The following PLEKHG1 variants were observed in gnomAD, a reference collection of about 807,000 sequenced individuals.
PLEKHG1 encodes the protein pleckstrin homology and RhoGEF domain containing G1, also known as pleckstrin homology domain-containing family G member 1.
PLEKHG1 carries 44 observed loss-of-function variants against 100.8 expected under a neutral mutation model. That is an observed-to-expected ratio of 0.44 (90% CI 0.34 to 0.56). The LOEUF (loss-of-function observed/expected upper bound fraction) is 0.56. Ranked by LOEUF, PLEKHG1 falls within the 20% of genes least tolerant of loss-of-function variation. PLEKHG1 has a pLI of 0.01. For synonymous variants in PLEKHG1, 640 were observed against 662.5 expected (o/e 0.97, Z 0.52); for missense variants, 1,545 against 1,720.9 (o/e 0.90, Z 1.81).
intron 2 of PLEKHG1, among the ~76,000 whole-genome samples, chr6:150,758,336 CTT>C (rs58766862): frequency 1.1e-4 from 15 of 141,916 alleles, no homozygotes; most frequent in Non-Finnish European, 1.6e-4. Context: ...TGTTTCTTGA[CTT>C]TTTTTTTTTT....
At chr6:150,697,974 G>A (rs1582959946) in intron 3 of PLEKHG1, among the ~76,000 whole-genome samples, 2 of 151,150 alleles carry the variant, frequency 1.3e-5, no homozygotes, top group East Asian at 3.9e-4. Context: ...TTTAAAGAAT[G>A]TTATGGATAA....
At chr6:150,719,658 T>A (rs1781589645), upstream of PLEKHG1, among the ~76,000 whole-genome samples, 1 of 152,128 alleles carries the variant, frequency 6.6e-6, no homozygotes, top group African/African-American at 2.4e-5. Flanking sequence ...TGGCTCTTCG[T>A]TGAGCAGGAG....
In PLEKHG1 at chr6:150,831,316, A is replaced by C; in HGVS notation, c.2205A>C (p.Gln735His). The C allele has an allele frequency of 1.2e-6, 2 of 1,614,140 alleles. No homozygotes were observed. Among genetic ancestry groups the C allele is most frequent in the Non-Finnish European group, 1.7e-6 (2 of 1,180,024 alleles). ...CCAGCCAAAGCACGCATGAACTCCA[A>C]GCGGTTGAGGAGAACATCTATGACA... Residue 735 changes from glutamine (Q) to histidine (H), a missense_variant, in exon 15 of 16, where the codon CAA (glutamine) becomes CAC (histidine). Physicochemically the swap from Gln to His is conservative, Grantham distance 24. Coordinates refer to ENST00000358517, the Ensembl canonical transcript of PLEKHG1. The surrounding 1 kb of genome is among the most constrained non-coding windows in gnomAD (Gnocchi z 4.1).
intron 10 of PLEKHG1, among the ~76,000 whole-genome samples, chr6:150,811,273 GTT>G (rs35935485): frequency 1.5e-5 from 2 of 137,664 alleles, no homozygotes; most frequent in Admixed American, 7.1e-5. Flanking sequence ...GATAGGGAAT[GTT>G]TTTTTTTTTT....
intron 1 of PLEKHG1, among the ~76,000 whole-genome samples, chr6:150,633,787 C>T (rs1373083139): frequency 6.6e-6 from 1 of 152,120 alleles, no homozygotes; most frequent in African/African-American, 2.4e-5. Flanking sequence ...AGGAATGATC[C>T]ATTGTATCAT....
At chr6:150,656,118 C>G (rs1437866573) in intron 3 of PLEKHG1, among the ~76,000 whole-genome samples, 1 of 150,542 alleles carries the variant, frequency 6.6e-6, no homozygotes. Flanking sequence ...AAAAATCAAC[C>G]AATAAAAAAA....
chr6:150,697,925 G>GT (rs67973235), intron 3 of PLEKHG1, among the ~76,000 whole-genome samples: 47 of 148,810 alleles, frequency 3.2e-4, no homozygotes, highest in Middle Eastern at 3.4e-3. Context: ...TGGCAGTGGT[G>GT]TTTTTTTTTT....
chr6:150,620,551 T>G (rs1308781455), intron 1 of PLEKHG1, among the ~76,000 whole-genome samples: 3 of 152,268 alleles, frequency 2.0e-5, no homozygotes, highest in African/African-American at 7.2e-5. Context: ...TTATTCCAAC[T>G]GGAGGGTAAA....
chr6:150,809,242 C>G, exon 8 of PLEKHG1: 1 of 1,614,194 alleles, frequency 6.2e-7, no homozygotes, highest in East Asian at 2.2e-5. Context: ...TGCTGCTCAT[C>G]ACGAAGAAGA....
chr6:150,731,485 T>C (rs745442952), intron 1 of PLEKHG1, among the ~76,000 whole-genome samples: 23 of 152,262 alleles, frequency 1.5e-4, no homozygotes, highest in Non-Finnish European at 2.8e-4. Context: ...ACTAGGTATG[T>C]TGAAGGAGAG....
At chr6:150,668,629 C>T (rs1197900094) in intron 3 of PLEKHG1, among the ~76,000 whole-genome samples, 2 of 152,068 alleles carry the variant, frequency 1.3e-5, no homozygotes, top group Non-Finnish European at 1.5e-5. Flanking sequence ...CTCAGCTGGG[C>T]GCAGTGTTCC....
intron 3 of PLEKHG1, among the ~76,000 whole-genome samples, chr6:150,706,265 G>A (rs913003543): frequency 6.6e-6 from 1 of 152,204 alleles, no homozygotes; most frequent in Non-Finnish European, 1.5e-5. Flanking sequence ...AGCTCAGTAT[G>A]TCATTCTTTG....
chr6:150,676,305 G>A (rs1055034547), intron 3 of PLEKHG1, among the ~76,000 whole-genome samples: 4 of 152,072 alleles, frequency 2.6e-5, no homozygotes, highest in Non-Finnish European at 4.4e-5. Flanking sequence ...GGATAAAACC[G>A]GCTATTACAC....
chr6:150,759,894 A>G (rs901134999), intron 2 of PLEKHG1, among the ~76,000 whole-genome samples: 1 of 152,098 alleles, frequency 6.6e-6, no homozygotes, highest in African/African-American at 2.4e-5. Flanking sequence ...GCTACTGGGA[A>G]GGCTGAGGCG....
At chr6:150,623,129 T>C (rs1777376208) in intron 1 of PLEKHG1, among the ~76,000 whole-genome samples, 1 of 152,164 alleles carries the variant, frequency 6.6e-6, no homozygotes, top group African/African-American at 2.4e-5. Context: ...TTCTTGAGGT[T>C]TCACTTCTCC....
At chr6:150,671,643 T>C (rs1582919989) in intron 3 of PLEKHG1, among the ~76,000 whole-genome samples, 1 of 152,320 alleles carries the variant, frequency 6.6e-6, no homozygotes, top group Non-Finnish European at 1.5e-5. Flanking sequence ...AGCTGAAAGA[T>C]AACAGTTTAA....
chr6:150,703,735 G>A (rs909402691), intron 3 of PLEKHG1, among the ~76,000 whole-genome samples: 3 of 151,980 alleles, frequency 2.0e-5, no homozygotes, highest in Non-Finnish European at 4.4e-5. Flanking sequence ...ACATTCTTGT[G>A]TCACAGCAGT....
chr6:150,738,198 A>G (rs1356551436), intron 2 of PLEKHG1, among the ~76,000 whole-genome samples: 11 of 152,150 alleles, frequency 7.2e-5, no homozygotes, highest in Admixed American at 7.2e-4. Flanking sequence ...CTACAGTAGC[A>G]TGATTTCTGA....
intron 1 of PLEKHG1, among the ~76,000 whole-genome samples, chr6:150,627,576 A>C (rs1313084664): frequency 1.3e-5 from 2 of 152,106 alleles, no homozygotes; most frequent in African/African-American, 4.8e-5. Flanking sequence ...CTTCTGGGAA[A>C]CTGCACTTCT....
Sources: allele counts gnomAD v4.1 joint callset (sites outside exome capture counted in the v4.1 genomes callset), GRCh38; gene constraint gnomAD v4.1.1; non-coding constraint Gnocchi (gnomAD v3.1); transcripts MANE v1.5; gene names NCBI Gene and HGNC (gene_info 2026-07-23, HGNC 2026-07-21).